The following HIC2 variants were observed in gnomAD, a reference collection of about 807,000 sequenced individuals.
HIC2 encodes hypermethylated in cancer 2 protein.
HIC2 carries 2 observed loss-of-function variants against 39.5 expected under a neutral mutation model. The ratio of observed to expected loss-of-function variants is 0.05; its 90% confidence interval spans 0.02 to 0.16. The LOEUF (loss-of-function observed/expected upper bound fraction) is 0.16. Ranked by LOEUF, HIC2 falls within the 10% of genes least tolerant of loss-of-function variation. HIC2 has a pLI of 1.00. For missense variants in HIC2, 713 were observed against 863.5 expected, an observed-to-expected ratio of 0.83 and a Z score of 2.18; for synonymous variants, 399 against 368.8, an observed-to-expected ratio of 1.08 and a Z score of -0.94.
intron 1 of HIC2, among the ~76,000 whole-genome samples, chr22:21,418,354 T>G (rs1457296984): frequency 0.015 from 5 of 330 alleles, no homozygotes; most frequent in African/African-American, 0.071. Flanking sequence ...TTGGGGGGGG[T>G]GGGGGGGAAT....
rs1923868954 is a variant in HIC2 at position 21,446,802 on chromosome 22, G to A, written c.*59G>A. The A allele has an allele frequency of 4.5e-6, 7 of 1,550,138 alleles. No individual in the cohort carries two copies. The highest frequency in any genetic ancestry group is 6.1e-6 in the Non-Finnish European group (7 of 1,147,532). On this transcript the variant is annotated 3_prime_UTR_variant, in exon 3 of 3. Transcript: ENST00000407464. ...TGCTCCCCGGGAACCCATGGAAGGA[G>A]AAGCGAGGTGATGCAGCAGCAGGGG... is the stretch of plus-strand genomic sequence containing the variant.
chr22:21,426,341 T>TTC (rs1354749978), intron 1 of HIC2, among the ~76,000 whole-genome samples: 1 of 98,088 alleles, frequency 1.0e-5, no homozygotes, highest in East Asian at 3.2e-4. Flanking sequence ...CCAGCTATTT[T>TTC]TTTTTTTTTT....
chr22:21,447,348 CCT>C lies in HIC2; in HGVS notation c.*608_*609del. 6.5e-6 allele frequency: 1 copy of C among 153,118 alleles called. No individual in the cohort carries two copies. The allele number at this position is 153,118 out of a possible 1,614,324, so 9.5% of individuals were successfully genotyped here. On this transcript the variant is annotated 3_prime_UTR_variant, in exon 3 of 3. Transcript: ENST00000407464. ...TTGCTGTTATTCCTACTGATCTGTT[CCT>C]CTGTTTTTCTTTTTGATTTTTGTTT...
At position 21,446,446 on chromosome 22, in the gene HIC2, A is replaced by G; in HGVS notation, c.1551A>G (p.Pro517=). Residue 517 remains proline, a synonymous_variant, in exon 3 of 3, where the codon CCA becomes CCG. Transcript: ENST00000407464. ...CSVCEKTYKD[P]ATLRQHEKTH... ...TCTGCGAGAAGACCTACAAGGACCC[A>G]GCCACGCTGCGGCAGCACGAGAAGA... 3 of 1,612,326 alleles carry G rather than the reference A, an allele frequency of 1.9e-6. No homozygotes were observed. Among genetic ancestry groups the G allele is most frequent in the East Asian group, 2.2e-5 (1 of 44,880 alleles).
chr22:21,425,452 TC>T (rs1398970910), intron 1 of HIC2, among the ~76,000 whole-genome samples: 1 of 147,972 alleles, frequency 6.8e-6, no homozygotes, highest in Non-Finnish European at 1.5e-5. Context: ...CACTGCAACC[TC>T]CACCTCCTGG....
Position 21,446,031 on chromosome 22 carries a change from C to G in HIC2, c.1136C>G (p.Ala379Gly). ...GACAGGGTTCCCAATGGCATCCTGG[C>G]TAGTGGGGCTGGCCCTAGCGGGCCC... ...VGDRVPNGIL[A>G]SGAGPSGPYG... The change falls in exon 3 of 3, where the codon GCT (alanine) becomes GGT (glycine). Residue 379 changes from alanine (A) to glycine (G), a missense_variant. By Grantham distance (60) the Ala-to-Gly change is moderately conservative (BLOSUM62 0). Transcript: ENST00000407464. 6.3e-7 allele frequency: 1 copy of G among 1,593,066 alleles called. No homozygotes were observed. Among genetic ancestry groups the G allele is most frequent in the Non-Finnish European group, 8.5e-7 (1 of 1,172,046 alleles).
chr22:21,418,032 G>C (rs1922950967), intron 1 of HIC2, among the ~76,000 whole-genome samples: 1 of 146,728 alleles, frequency 6.8e-6, no homozygotes, highest in Non-Finnish European at 1.5e-5. Flanking sequence ...CTGCGGTCCT[G>C]CACCGTCTGC....
chr22:21,444,893 G>A (rs1328438345), intron 2 of HIC2, 29 bp from the exon 3 acceptor site: 1 of 1,588,720 alleles, frequency 6.3e-7, no homozygotes, highest in Non-Finnish European at 8.6e-7. Flanking sequence ...CCAGTCATCT[G>A]ACGCATGCGT....
chr22:21,447,823 G>C lies in HIC2; in HGVS notation c.*1080G>C, dbSNP rs1923948225. 1 of 152,724 alleles carries C rather than the reference G, an allele frequency of 6.5e-6. No individual in the cohort carries two copies. The highest frequency in any genetic ancestry group is 2.1e-4 in the South Asian group (1 of 4,832). The allele number at this position is 152,724 out of a possible 1,614,324, so 9.5% of individuals were successfully genotyped here. A position where few individuals can be genotyped will look rare whatever the true frequency, so the allele number is the denominator to read the frequency against. On this transcript the variant is annotated 3_prime_UTR_variant, in exon 3 of 3. Coordinates refer to ENST00000407464, the MANE Select transcript of HIC2 (RefSeq NM_015094.3). Reference sequence around the variant, plus strand: ...GTGCGTATGTGTGTGTCTATGTGTGGTGTGTGCCGTATGCATGGGCAGATG... The same window carrying C: ...GTGCGTATGTGTGTGTCTATGTGTGCTGTGTGCCGTATGCATGGGCAGATG...
rs1923979726 is a variant in HIC2, at chr22:21,448,435, C to G, written c.*1692C>G. On this transcript the variant is annotated 3_prime_UTR_variant, in exon 3 of 3. Transcript: ENST00000407464. ...ACTTCTGTGGGCCCTGAAGTGGGCT[C>G]TCAAGGTCAGACCAAGGTTGCTGAT... The G allele has an allele frequency of 6.5e-6, 1 of 152,788 alleles. No individual in the cohort carries two copies. Among genetic ancestry groups the G allele is most frequent in the Non-Finnish European group, 1.5e-5 (1 of 68,048 alleles). The allele number at this position is 152,788 out of a possible 1,614,324, so 9.5% of individuals were successfully genotyped here.
chr22:21,446,177 C>T lies in HIC2; in HGVS notation c.1282C>T (p.Arg428Trp), dbSNP rs765480573. 14 of 1,610,300 alleles carry T rather than the reference C, an allele frequency of 8.7e-6. No individual in the cohort carries two copies. Among genetic ancestry groups the T allele is most frequent in the African/African-American group, 2.7e-5 (2 of 74,932 alleles). Residue 428 changes from arginine (R) to tryptophan (W), a missense_variant, in exon 3 of 3, where the codon CGG becomes TGG. By Grantham distance (101) the Arg-to-Trp change is moderately radical (BLOSUM62 -3). Transcript: ENST00000407464. ...CCATGCCAGCGCCCACTACATGTAC[C>T]GGCAGGAGGGCTACGAGACGGTGTC... ...SGHASAHYMY[R>W]QEGYETVSYG...
rs571617004 is a variant in HIC2, at chr22:21,450,267, A to G, written c.*3524A>G. 1.9e-3 allele frequency: 285 copies of G among 152,814 alleles called. No individual in the cohort carries two copies. Among genetic ancestry groups the G allele is most frequent in the African/African-American group, 4.8e-3 (199 of 41,548 alleles). 9.5% of individuals were successfully genotyped at this position (152,814 alleles called of 1,614,324 possible). ...AGAGAAAAGATGAACCTTTAAGCAA[A>G]TAAGAATCTCAGAGACTCGCAGCAT... is the stretch of plus-strand genomic sequence containing the variant. On this transcript the variant is annotated 3_prime_UTR_variant, in exon 3 of 3. Transcript: ENST00000407464.
At chr22:21,444,210 G>A (rs1298962361) in intron 2 of HIC2, among the ~76,000 whole-genome samples, 1 of 152,232 alleles carries the variant, frequency 6.6e-6, no homozygotes, top group Non-Finnish European at 1.5e-5. Flanking sequence ...AGGCCCAGAT[G>A]GTGCTGCCCT....
rs776924163 is a variant in HIC2 at position 21,446,671 on chromosome 22, G to A, written c.1776G>A (p.Gln592=). The change falls in exon 3 of 3, where the codon CAG becomes CAA. Residue 592 remains glutamine, a synonymous_variant. Coordinates refer to ENST00000407464, the MANE Select transcript of HIC2 (RefSeq NM_015094.3). ...CGGGCGAGAAACCTTACGAGTGCCA[G>A]CTGTGCGGGGGCAAGTTCACCCAGC... ...VHSGEKPYEC[Q]LCGGKFTQQR... 1 of 1,613,894 alleles carries A rather than the reference G, an allele frequency of 6.2e-7. No homozygotes were observed. The highest frequency in any genetic ancestry group is 1.1e-5 in the South Asian group (1 of 91,076).
In HIC2 at chr22:21,445,805, G is replaced by A; in HGVS notation, c.910G>A (p.Glu304Lys). Reference sequence around the variant, plus strand: ...TTCTGAGCTGGGGGGCACCCCTGATGAGCCCATGGATCTGGAGGGGGCCGA... The same window carrying A: ...TTCTGAGCTGGGGGGCACCCCTGATAAGCCCATGGATCTGGAGGGGGCCGA... ...SYSELGGTPD[E>K]PMDLEGAEDN... Residue 304 changes from glutamate (E) to lysine (K), a missense_variant, in exon 3 of 3, where the codon GAG becomes AAG. Physicochemically the swap from Glu to Lys is moderately conservative, Grantham distance 56. Transcript: ENST00000407464. 1.3e-6 allele frequency: 2 copies of A among 1,592,912 alleles called. No homozygotes were observed. The highest frequency in any genetic ancestry group is 1.7e-6 in the Non-Finnish European group (2 of 1,169,344).
chr22:21,431,054 C>T (rs1486400583), intron 1 of HIC2, among the ~76,000 whole-genome samples: 3 of 28,480 alleles, frequency 1.1e-4, no homozygotes, highest in Non-Finnish European at 1.6e-4. Context: ...ACACCTCATG[C>T]ACTTCTCCCT....
In HIC2 at chr22:21,448,153, G is replaced by C. The variant is rs1923963136; in HGVS notation, c.*1410G>C. The C allele has an allele frequency of 6.6e-6, 1 of 152,452 alleles. No individual in the cohort carries two copies. Among genetic ancestry groups the C allele is most frequent in the Non-Finnish European group, 1.5e-5 (1 of 68,040 alleles). 9.4% of individuals were successfully genotyped at this position (152,452 alleles called of 1,614,324 possible). A position where few individuals can be genotyped will look rare whatever the true frequency, so the allele number is the denominator to read the frequency against. ...GAGGGGTGTGAGGCCCCAGCCTGGA[G>C]CCAGGCACTGGGTGCTGACAGGGGA... On this transcript the variant is annotated 3_prime_UTR_variant, in exon 3 of 3. Transcript: ENST00000407464.
chr22:21,446,853 C>A lies in HIC2; in HGVS notation c.*110C>A, dbSNP rs958236404. 2.8e-6 allele frequency: 4 copies of A among 1,424,370 alleles called. No homozygotes were observed. In the Admixed American group the frequency reaches 7.6e-5, roughly 27 times the overall value. The allele number at this position is 1,424,370 out of a possible 1,614,324, so 88.2% of individuals were successfully genotyped here. A position where few individuals can be genotyped will look rare whatever the true frequency, so the allele number is the denominator to read the frequency against. On this transcript the variant is annotated 3_prime_UTR_variant, in exon 3 of 3. Coordinates refer to ENST00000407464, the MANE Select transcript of HIC2 (RefSeq NM_015094.3). ...CAAGACCCTGGGTCCAGTGGAGGCT[C>A]CGGGTGGCCCCTCTGGCCCCCACTG...
intron 2 of HIC2, among the ~76,000 whole-genome samples, 178 bp from the exon 3 acceptor site, chr22:21,444,744 C>A (rs1923704889): frequency 6.6e-6 from 1 of 152,224 alleles, no homozygotes; most frequent in African/African-American, 2.4e-5. Flanking sequence ...GACACGTGTA[C>A]TGCGCCTGCA....
Sources: allele counts gnomAD v4.1 joint callset (sites outside exome capture counted in the v4.1 genomes callset), GRCh38; gene constraint gnomAD v4.1.1; transcripts MANE v1.5; gene names NCBI Gene and HGNC (gene_info 2026-07-23, HGNC 2026-07-21).